The following UNC13C variants were observed in gnomAD, a reference collection of about 807,000 sequenced individuals.
UNC13C encodes protein unc-13 homolog C.
UNC13C carries 174 observed loss-of-function variants against 245.4 expected under a neutral mutation model. That is an observed-to-expected ratio of 0.71 (90% CI 0.63 to 0.80). The LOEUF is 0.80. Among genes scored for constraint, UNC13C ranks in the 30% least tolerant of loss-of-function variants. The probability of loss-of-function intolerance (pLI) is 0.00; values close to 1 mark genes in which losing one functional copy is unlikely to be tolerated. For synonymous variants in UNC13C, 992 were observed against 895.1 expected, an observed-to-expected ratio of 1.11 and a Z score of -1.93; for missense variants, 2,829 against 2,602.9, an observed-to-expected ratio of 1.09 and a Z score of -1.89.
In UNC13C at chr15:54,321,921, A is replaced by C. The variant is rs1223979202; in HGVS notation, c.4269-18A>C. The C allele has an allele frequency of 1.3e-6, 2 of 1,549,268 alleles. No individual in the cohort carries two copies. Among genetic ancestry groups the C allele is most frequent in the Non-Finnish European group, 1.7e-6 (2 of 1,146,786 alleles). ...TTAATTTCTGTCTTAAAAACACTTT[A>C]TGTTTTTTGTCTTTCAGGCACTTTT... On this transcript the variant is annotated intron_variant, in intron 13 of 32. Coordinates refer to ENST00000260323, the MANE Select transcript of UNC13C (RefSeq NM_001080534.3).
chr15:54,279,363 A>C (rs567902270), intron 10 of UNC13C, among the ~76,000 whole-genome samples: 1 of 152,228 alleles, frequency 6.6e-6, no homozygotes, highest in Non-Finnish European at 1.5e-5. Context: ...ACATTTCTCC[A>C]GCAGTTCCTT....
chr15:54,096,403 A>G (rs897217604), intron 2 of UNC13C, among the ~76,000 whole-genome samples: 2 of 152,086 alleles, frequency 1.3e-5, no homozygotes, highest in African/African-American at 2.4e-5. Flanking sequence ...ATTTTAAGAG[A>G]GGAACATGCT....
At chr15:53,994,067 G>T (rs1894509657) in intron 1 of UNC13C, among the ~76,000 whole-genome samples, 1 of 151,770 alleles carries the variant, frequency 6.6e-6, no homozygotes, top group African/African-American at 2.4e-5. Context: ...ACTTGGACTT[G>T]CTATAGATCA....
At chr15:54,281,394 G>A (rs2036993376) in intron 10 of UNC13C, among the ~76,000 whole-genome samples, 1 of 152,270 alleles carries the variant, frequency 6.6e-6, no homozygotes, top group South Asian at 2.1e-4. Flanking sequence ...AAAGGACAAA[G>A]AAATACTGAA....
Position 54,338,470 on chromosome 15 carries a change from A to T in UNC13C, c.4694A>T (p.Tyr1565Phe). Residue 1565 changes from tyrosine to phenylalanine, a missense_variant, in exon 17 of 33, where the codon TAC (tyrosine) becomes TTC (phenylalanine). By Grantham distance (22) the Tyr-to-Phe change is conservative. Coordinates refer to ENST00000260323, the MANE Select transcript of UNC13C (RefSeq NM_001080534.3). ...ATTTTTGACAACTGCCATGAACTCT[A>T]CTCCCAGCTAACAGACCCGGTAAGA... ...KYIFDNCHELYSQLTDPSKKQ... is the reference protein window; with the variant it reads ...KYIFDNCHELFSQLTDPSKKQ... 1 of 1,612,930 alleles carries T rather than the reference A, an allele frequency of 6.2e-7. No individual in the cohort carries two copies. The highest frequency in any genetic ancestry group is 8.5e-7 in the Non-Finnish European group (1 of 1,179,184).
At chr15:54,611,886 TACAC>T (rs1330634260) in intron 30 of UNC13C, among the ~76,000 whole-genome samples, 1 of 152,142 alleles carries the variant, frequency 6.6e-6, no homozygotes, top group Admixed American at 6.6e-5. Flanking sequence ...TCATCAGGCT[TACAC>T]ACAATTATGT....
At chr15:54,043,272 C>A (rs984638326) in intron 2 of UNC13C, among the ~76,000 whole-genome samples, 8 of 152,168 alleles carry the variant, frequency 5.3e-5, no homozygotes, top group Non-Finnish European at 7.3e-5. Flanking sequence ...GATCACTATG[C>A]AACAGACAGA....
At chr15:54,186,847 A>G (rs1307314267) in intron 4 of UNC13C, among the ~76,000 whole-genome samples, 1 of 146,972 alleles carries the variant, frequency 6.8e-6, no homozygotes, top group African/African-American at 2.5e-5. Context: ...ATATATATGT[A>G]TATATATATT....
Position 54,415,082 on chromosome 15 carries a change from T to A in UNC13C, c.4933+15T>A. ...TGCATTAGAAGGTAATTATAAATAT[T>A]TATACTTATTCGAATACATGTTAGA... On this transcript the variant is annotated intron_variant, in intron 19 of 32. Transcript: ENST00000260323. 1.3e-6 allele frequency: 2 copies of A among 1,556,862 alleles called. No homozygotes were observed. The highest frequency in any genetic ancestry group is 1.8e-6 in the Non-Finnish European group (2 of 1,135,794).
intron 4 of UNC13C, among the ~76,000 whole-genome samples, chr15:54,168,783 AAAAAT>A (rs1340494854): frequency 2.0e-5 from 3 of 152,214 alleles, no homozygotes; most frequent in East Asian, 1.9e-4. Flanking sequence ...AGCGAAAACT[AAAAAT>A]AAAATACAAT....
In UNC13C at chr15:54,003,435, G is replaced by A. The variant is rs532950718; in HGVS notation, c.-256-9213G>A. On this transcript the variant is annotated intron_variant, in intron 1 of 32. Transcript: ENST00000260323. ...CGGGCCATGCCAAGATAGTAAACAG[G>A]CAAAGCTTATTCAAGGTTCCTCAGT... is the stretch of plus-strand genomic sequence containing the variant. Among the ~76,000 whole-genome samples, 143 of 152,230 alleles carry A rather than the reference G, an allele frequency of 9.4e-4. 1 individual carries two copies. The highest frequency in any genetic ancestry group is 2.7e-3 in the South Asian group (13 of 4,820).
intron 29 of UNC13C, among the ~76,000 whole-genome samples, chr15:54,557,558 A>G (rs183673203): frequency 2.8e-4 from 42 of 151,854 alleles, no homozygotes; most frequent in African/African-American, 9.9e-4. Flanking sequence ...TCCAAGAACT[A>G]AAGATTCAAT....
At chr15:53,963,630 T>G in the UNC13C span, among the ~76,000 whole-genome samples, 1 of 152,124 alleles carries the variant, frequency 6.6e-6, no homozygotes, top group African/African-American at 2.4e-5. Flanking sequence ...CAGTAGACAC[T>G]GAAAAATAAT....
At chr15:54,182,903 TAAATG>T (rs541074836) in intron 4 of UNC13C, among the ~76,000 whole-genome samples, 2 of 152,022 alleles carry the variant, frequency 1.3e-5, no homozygotes, top group Admixed American at 6.6e-5. Context: ...AGCAATAAAA[TAAATG>T]AAAACAGTAA....
At chr15:54,337,909 T>C (rs764081056) in intron 16 of UNC13C, among the ~76,000 whole-genome samples, 2 of 152,214 alleles carry the variant, frequency 1.3e-5, no homozygotes, top group Non-Finnish European at 1.5e-5. Flanking sequence ...TTCTATTCCA[T>C]TGAAACGCTT....
At chr15:54,203,501 T>TAC (rs1225487391) in intron 4 of UNC13C, among the ~76,000 whole-genome samples, 5 of 142,296 alleles carry the variant, frequency 3.5e-5, no homozygotes, top group African/African-American at 7.9e-5. Flanking sequence ...TATATATATA[T>TAC]ATACACACAC....
intron 4 of UNC13C, among the ~76,000 whole-genome samples, chr15:54,159,027 T>C (rs2032867647): frequency 6.6e-6 from 1 of 152,106 alleles, no homozygotes; most frequent in East Asian, 1.9e-4. Flanking sequence ...ATGGGCAGGA[T>C]TTTATTTTGC....
intron 2 of UNC13C, among the ~76,000 whole-genome samples, chr15:54,129,251 G>A (rs968762432): frequency 3.9e-5 from 6 of 152,046 alleles, no homozygotes; most frequent in Non-Finnish European, 7.4e-5. Context: ...GGCCAGATGC[G>A]TACATATGTA....
chr15:54,478,110 G>A (rs1293973001), intron 19 of UNC13C, among the ~76,000 whole-genome samples: 1 of 151,706 alleles, frequency 6.6e-6, no homozygotes, highest in Non-Finnish European at 1.5e-5. Context: ...GGTGTTTGTA[G>A]TATTCTCTGA....
Sources: gnomAD v4.1 joint callset for allele counts (sites outside exome capture counted in the v4.1 genomes callset) on GRCh38, gnomAD v4.1.1 for gene constraint, MANE v1.5 for transcripts, NCBI Gene and HGNC (gene_info 2026-07-23, HGNC 2026-07-21) for gene names.